Variants in INSL6 observed in about 807,000 individuals in gnomAD.
INSL6 encodes insulin-like peptide INSL6.
INSL6 carries 16 observed loss-of-function variants against 9.4 expected under a neutral mutation model. That is an observed-to-expected ratio of 1.70 (90% CI 1.15 to 2.59). The LOEUF (loss-of-function observed/expected upper bound fraction) is 2.59. INSL6 is among the 30% of genes most tolerant of loss of function. The probability of loss-of-function intolerance (pLI) is 0.00; values close to 1 mark genes in which losing one functional copy is unlikely to be tolerated. For missense variants in INSL6, 391 were observed against 257.3 expected (o/e 1.52, Z -3.56); for synonymous variants, 154 against 96.9 (o/e 1.59, Z -3.46).
At chr9:5,157,486 A>T (rs1408302592) in intron 2 of INSL6, among the ~76,000 whole-genome samples, 3 of 152,140 alleles carry the variant, frequency 2.0e-5, no homozygotes, top group Non-Finnish European at 4.4e-5. Flanking sequence ...CATAGCCTTT[A>T]CAATCAATTT....
chr9:5,178,419 G>C (rs1224920769), intron 1 of INSL6, among the ~76,000 whole-genome samples: 2 of 152,222 alleles, frequency 1.3e-5, no homozygotes, highest in African/African-American at 4.8e-5. Context: ...ATTGTGGCCA[G>C]ACTGCTTCTT....
intron 3 of INSL6, among the ~76,000 whole-genome samples, chr9:5,133,079 G>C (rs1564033857): frequency 6.6e-6 from 1 of 152,132 alleles, no homozygotes. Flanking sequence ...ATGCCTCCAA[G>C]AGTGTGAAAA....
intron 1 of INSL6, among the ~76,000 whole-genome samples, chr9:5,166,417 G>A (rs1316916783): frequency 1.3e-5 from 2 of 151,876 alleles, no homozygotes; most frequent in African/African-American, 4.8e-5. Flanking sequence ...AAAGTTGCTT[G>A]TTTAAAAGAA....
chr9:5,064,989 C>T, the INSL6 span: 1 of 1,610,630 alleles, frequency 6.2e-7, no homozygotes, highest in Non-Finnish European at 8.5e-7. Context: ...AAAGAAGTAG[C>T]ACCTCCAGCC....
chr9:5,109,616 CGCCTTCACCATTA>C, the INSL6 span: 2 of 152,132 alleles, frequency 1.3e-5, no homozygotes, highest in Non-Finnish European at 2.9e-5. Context: ...CCATCACATG[CGCCTTCACCATTA>C]GCCTCATCCC....
At chr9:5,111,117 T>C in the INSL6 span, 1 of 1,200,704 alleles carries the variant, frequency 8.3e-7, no homozygotes, top group South Asian at 1.3e-5. Flanking sequence ...GCTCCTCCTT[T>C]GACCCCAGCT....
At chr9:5,056,401 G>A in the INSL6 span, among the ~76,000 whole-genome samples, 1 of 151,850 alleles carries the variant, frequency 6.6e-6, no homozygotes, top group Non-Finnish European at 1.5e-5. Flanking sequence ...GATGCTTCTT[G>A]ACCCTTCCTG....
chr9:5,126,248 T>C, intron 3 of INSL6: 1 of 889,790 alleles, frequency 1.1e-6, no homozygotes, highest in Non-Finnish European at 1.8e-6. Context: ...TATACTAAAT[T>C]TTTTCCCATT....
At chr9:5,140,782 C>T (rs1424796766) in intron 2 of INSL6, among the ~76,000 whole-genome samples, 3 of 151,764 alleles carry the variant, frequency 2.0e-5, no homozygotes, top group Non-Finnish European at 4.4e-5. Context: ...TAAACTTGTG[C>T]CATGGGGGTT....
At chr9:5,131,750 T>C in intron 3 of INSL6, among the ~76,000 whole-genome samples, 1 of 152,170 alleles carries the variant, frequency 6.6e-6, no homozygotes, top group South Asian at 2.1e-4. Context: ...CAGTTAACAA[T>C]TTTAATCTGC....
intron 2 of INSL6, among the ~76,000 whole-genome samples, chr9:5,157,440 C>G (rs963903461): frequency 6.6e-6 from 1 of 151,972 alleles, no homozygotes; most frequent in Non-Finnish European, 1.5e-5. Flanking sequence ...CAGAAATAAA[C>G]CCACTCATAT....
chr9:5,133,019 T>C lies in INSL6; in HGVS notation c.*10+406A>G, dbSNP rs2130880514. Among the ~76,000 whole-genome samples, 2 of 152,288 alleles carry C rather than the reference T, an allele frequency of 1.3e-5. 1 individual carries two copies. Among genetic ancestry groups the C allele is most frequent in the South Asian group, 4.2e-4 (2 of 4,804 alleles). On this transcript the variant is annotated intron_variant, in intron 3 of 3. Transcript: ENST00000649639. The stretch of plus-strand genomic sequence containing the variant: ...ATGTTGGACCTGGGGTAGTGAGAGT[T>C]GGAATTTCATATATTCTTTCTAGGG...
the INSL6 span, among the ~76,000 whole-genome samples, chr9:5,005,269 T>C: frequency 6.6e-6 from 1 of 151,890 alleles, no homozygotes; most frequent in African/African-American, 2.4e-5. Context: ...CTTTGAGGAA[T>C]ATCTGTTCCG....
chr9:5,158,985 A>G (rs1824869938), downstream of INSL6, among the ~76,000 whole-genome samples: 1 of 152,182 alleles, frequency 6.6e-6, no homozygotes, highest in South Asian at 2.1e-4. Flanking sequence ...ACAAAAAGTT[A>G]ATGAGGAGAC....
intron 3 of INSL6, among the ~76,000 whole-genome samples, chr9:5,130,434 A>G (rs1824250044): frequency 6.6e-6 from 1 of 152,222 alleles, no homozygotes; most frequent in African/African-American, 2.4e-5. Flanking sequence ...TAGAGCAGGC[A>G]TATTACAGAG....
intron 1 of INSL6, among the ~76,000 whole-genome samples, chr9:5,177,807 G>A (rs1304209987): frequency 6.6e-6 from 1 of 152,114 alleles, no homozygotes; most frequent in East Asian, 1.9e-4. Context: ...AAACAGTCCA[G>A]AGGAGGAAGG....
At chr9:4,999,449 AG>A in the INSL6 span, among the ~76,000 whole-genome samples, 1 of 152,244 alleles carries the variant, frequency 6.6e-6, no homozygotes, top group Non-Finnish European at 1.5e-5. Context: ...CATTAGTCAA[AG>A]GGGCAAAAAA....
At chr9:5,147,906 T>C (rs1824633417) in intron 2 of INSL6, among the ~76,000 whole-genome samples, 1 of 152,182 alleles carries the variant, frequency 6.6e-6, no homozygotes, top group Admixed American at 6.5e-5. Flanking sequence ...GTTTGAGTCT[T>C]TCTTAAAATG....
chr9:5,078,264 T>G, the INSL6 span: 2 of 1,560,734 alleles, frequency 1.3e-6, no homozygotes, highest in Non-Finnish European at 1.8e-6. Flanking sequence ...CTCCAGTACT[T>G]GTGGACTGAT....
Sources: gnomAD v4.1 joint callset for allele counts (sites outside exome capture counted in the v4.1 genomes callset) on GRCh38, gnomAD v4.1.1 for gene constraint, MANE v1.5 for transcripts, NCBI Gene and HGNC (gene_info 2026-07-23, HGNC 2026-07-21) for gene names.